Variants in IQCM observed in about 807,000 individuals in gnomAD.
The protein encoded by IQCM is IQ motif containing M.
In IQCM, 45 loss-of-function variants were observed where a neutral mutation model predicts 57.6. The observed-to-expected ratio is 0.78, with a 90% CI of 0.62 to 1.00. The LOEUF (loss-of-function observed/expected upper bound fraction) is 1.00, where lower values mean the gene tolerates loss of function less well. IQCM is among the 50% of genes least tolerant of loss of function. IQCM has a pLI of 0.00. For missense variants in IQCM, 468 were observed against 511.6 expected, an observed-to-expected ratio of 0.91 and a Z score of 0.82; for synonymous variants, 148 against 158.9, an observed-to-expected ratio of 0.93 and a Z score of 0.51.
At chr4:149,602,382 T>C (rs1025357528) in intron 8 of IQCM, among the ~76,000 whole-genome samples, 7 of 152,140 alleles carry the variant, frequency 4.6e-5, no homozygotes, top group African/African-American at 1.4e-4. Flanking sequence ...ATTTATTTCA[T>C]AGTACCCTCT....
At chr4:149,352,148 G>T (rs1451164286) in intron 13 of IQCM, 82 bp from the exon 14 acceptor site, 3 of 396,936 alleles carry the variant, frequency 7.6e-6, no homozygotes, top group Non-Finnish European at 1.3e-5. Flanking sequence ...AATTCTATAA[G>T]TTACAGGAAA....
At chr4:149,745,259 T>C (rs4608792) in intron 2 of IQCM, among the ~76,000 whole-genome samples, 16,651 of 152,248 alleles carry the variant, frequency 0.11, 1,161 homozygotes, top group South Asian at 0.17. Context: ...CTACATTTTA[T>C]GCTGCTGAAA....
At chr4:149,763,271 C>A (rs1326535632) in intron 2 of IQCM, among the ~76,000 whole-genome samples, 2 of 151,970 alleles carry the variant, frequency 1.3e-5, no homozygotes, top group East Asian at 3.9e-4. Flanking sequence ...AGTTTGTATC[C>A]TAAACTATTA....
In IQCM at chr4:149,637,162, G is replaced by GA. The variant is rs1021089498; in HGVS notation, c.566-15919dup. On this transcript the variant is annotated intron_variant, in intron 7 of 13. Transcript: ENST00000636793. ...GAGACTCCGTCTCAAAAAAAAAAAA[G>GA]AAAAAAAAAAAAAAAAGAAAGTGAA... Among the ~76,000 whole-genome samples, 231 of 99,458 alleles carry GA rather than the reference G, an allele frequency of 2.3e-3. 1 individual carries two copies. Among genetic ancestry groups the GA allele is most frequent in the East Asian group, 7.9e-3 (27 of 3,402 alleles). 65.2% of individuals were successfully genotyped at this position (99,458 alleles called of 152,430 possible). A position where few individuals can be genotyped will look rare whatever the true frequency, so the allele number is the denominator to read the frequency against.
chr4:149,751,236 G>T (rs1768403503), intron 2 of IQCM, among the ~76,000 whole-genome samples: 1 of 152,176 alleles, frequency 6.6e-6, no homozygotes, highest in South Asian at 2.1e-4. Flanking sequence ...GATGAAGCAA[G>T]AATCCCCCTG....
chr4:149,758,038 A>G (rs914106382), intron 2 of IQCM, among the ~76,000 whole-genome samples: 2 of 152,202 alleles, frequency 1.3e-5, no homozygotes, highest in Admixed American at 1.3e-4. Context: ...AGCTACAGTA[A>G]TCAGGACAAT....
At chr4:149,495,649 G>A (rs1742576184) in intron 12 of IQCM, among the ~76,000 whole-genome samples, 1 of 152,090 alleles carries the variant, frequency 6.6e-6, no homozygotes, top group African/African-American at 2.4e-5. Flanking sequence ...TTTGAGGAGG[G>A]CAGTGTAGAA....
chr4:149,674,613 C>T (rs184306251), intron 7 of IQCM, among the ~76,000 whole-genome samples: 2 of 152,082 alleles, frequency 1.3e-5, no homozygotes, highest in African/African-American at 4.8e-5. Context: ...TGGATTGATG[C>T]CTATAATCTC....
intron 2 of IQCM, among the ~76,000 whole-genome samples, chr4:149,786,061 G>C (rs568019323): frequency 6.6e-6 from 1 of 152,156 alleles, no homozygotes; most frequent in Non-Finnish European, 1.5e-5. Context: ...TTCTGGCCAA[G>C]ATGAAATAAG....
chr4:149,373,880 C>T (rs532957237), intron 13 of IQCM, among the ~76,000 whole-genome samples: 3 of 152,206 alleles, frequency 2.0e-5, no homozygotes, highest in East Asian at 1.9e-4. Flanking sequence ...CAATTAGCTA[C>T]ACTCACTTAA....
intron 2 of IQCM, among the ~76,000 whole-genome samples, chr4:149,764,173 G>A (rs1399027543): frequency 1.3e-5 from 2 of 152,070 alleles, no homozygotes; most frequent in Non-Finnish European, 2.9e-5. Flanking sequence ...CAGATTCGAG[G>A]TCCGTCTAAC....
At chr4:149,586,398 T>C (rs1752645617) in intron 9 of IQCM, among the ~76,000 whole-genome samples, 1 of 151,668 alleles carries the variant, frequency 6.6e-6, no homozygotes, top group Admixed American at 6.6e-5. Flanking sequence ...CATGAAGTTA[T>C]TTACATATTA....
chr4:149,734,861 G>C (rs1766789916), intron 4 of IQCM, among the ~76,000 whole-genome samples: 1 of 151,892 alleles, frequency 6.6e-6, no homozygotes, highest in South Asian at 2.1e-4. Context: ...TATTTATTGA[G>C]CCAGGAACAA....
chr4:149,481,719 T>TTG (rs1740899776), intron 12 of IQCM, among the ~76,000 whole-genome samples: 26 of 142,868 alleles, frequency 1.8e-4, no homozygotes, highest in African/African-American at 4.9e-4. Context: ...TTTTTTTTTT[T>TTG]TTTGCTTTTT....
intron 12 of IQCM, among the ~76,000 whole-genome samples, chr4:149,440,763 A>C (rs1735861671): frequency 6.6e-6 from 1 of 152,072 alleles, no homozygotes; most frequent in Non-Finnish European, 1.5e-5. Flanking sequence ...TTTATGTATT[A>C]ATTTTTAAAA....
At chr4:149,429,440 G>C (rs555083330) in intron 13 of IQCM, among the ~76,000 whole-genome samples, 45 of 151,918 alleles carry the variant, frequency 3.0e-4, no homozygotes, top group African/African-American at 1.0e-3. Flanking sequence ...GACTTATGCA[G>C]CATTCCAGTT....
chr4:149,468,103 T>C (rs1739064188), intron 12 of IQCM, among the ~76,000 whole-genome samples: 1 of 152,106 alleles, frequency 6.6e-6, no homozygotes, highest in Non-Finnish European at 1.5e-5. Context: ...TTTTCTGCAT[T>C]TCAAACTGAG....
At chr4:149,400,867 A>G (rs1732572555) in intron 13 of IQCM, among the ~76,000 whole-genome samples, 1 of 151,952 alleles carries the variant, frequency 6.6e-6, no homozygotes, top group African/African-American at 2.4e-5. Flanking sequence ...AATCTCATGT[A>G]AAGCTGTATA....
chr4:149,598,602 A>C (rs1753990145), intron 8 of IQCM, among the ~76,000 whole-genome samples: 1 of 152,200 alleles, frequency 6.6e-6, no homozygotes, highest in South Asian at 2.1e-4. Context: ...TGAGATGTTC[A>C]CAAAGGAGAA....
Sources: gnomAD v4.1 joint callset for allele counts (sites outside exome capture counted in the v4.1 genomes callset) on GRCh38, gnomAD v4.1.1 for gene constraint, MANE v1.5 for transcripts, NCBI Gene and HGNC (gene_info 2026-07-23, HGNC 2026-07-21) for gene names.